The following RSBN1L variants were observed in gnomAD, a reference collection of about 807,000 sequenced individuals.
The protein encoded by RSBN1L is round spermatid basic protein 1 like, also known as lysine-specific demethylase RSBN1L.
Under a neutral mutation model 67.7 loss-of-function variants are expected in RSBN1L, and 30 were observed. The ratio of observed to expected loss-of-function variants is 0.44; its 90% CI spans 0.33 to 0.60. The LOEUF (loss-of-function observed/expected upper bound fraction) is 0.60, where lower values mean the gene tolerates loss of function less well. Ranked by LOEUF, RSBN1L falls within the 20% of genes least tolerant of loss-of-function variation. The pLI is 0.02. For synonymous variants in RSBN1L, 433 were observed against 387.0 expected, an observed-to-expected ratio of 1.12 and a Z score of -1.39; for missense variants, 992 against 1,031.7, an observed-to-expected ratio of 0.96 and a Z score of 0.53.
At chr7:77,739,140 T>TG (rs1791374960) in intron 2 of RSBN1L, among the ~76,000 whole-genome samples, 1 of 152,176 alleles carries the variant, frequency 6.6e-6, no homozygotes, top group Non-Finnish European at 1.5e-5. Context: ...CAAGTGAGCC[T>TG]GTGGTGGTGG....
intron 2 of RSBN1L, among the ~76,000 whole-genome samples, chr7:77,736,928 C>T (rs1791345138): frequency 6.6e-6 from 1 of 152,102 alleles, no homozygotes; most frequent in Non-Finnish European, 1.5e-5. Flanking sequence ...ACTGTCATCA[C>T]CATACCATAG....
chr7:77,726,040 A>G (rs564480336), intron 1 of RSBN1L, among the ~76,000 whole-genome samples: 22 of 151,946 alleles, frequency 1.4e-4, no homozygotes, highest in African/African-American at 4.8e-4. Context: ...ATCTGTCTGT[A>G]TTTCTAATTA....
intron 3 of RSBN1L, among the ~76,000 whole-genome samples, chr7:77,765,239 C>G (rs1343902151): frequency 1.3e-5 from 2 of 152,144 alleles, no homozygotes; most frequent in South Asian, 2.1e-4. Flanking sequence ...ACTCTGTTTT[C>G]ATAAGCAGTG....
intron 3 of RSBN1L, 44 bp from the exon 4 acceptor site, chr7:77,765,451 A>G: frequency 7.0e-7 from 1 of 1,428,306 alleles, no homozygotes; most frequent in Non-Finnish European, 9.4e-7. Context: ...TTCTTCAGGT[A>G]AAAAGAACGT....
intron 1 of RSBN1L, among the ~76,000 whole-genome samples, chr7:77,724,684 A>G (rs1189917775): frequency 6.6e-6 from 1 of 151,388 alleles, no homozygotes; most frequent in Non-Finnish European, 1.5e-5. Context: ...CCTTGCCCTC[A>G]CAAAGTGCTG....
intron 1 of RSBN1L, among the ~76,000 whole-genome samples, chr7:77,725,641 T>C (rs911784517): frequency 6.6e-6 from 1 of 151,834 alleles, no homozygotes; most frequent in Non-Finnish European, 1.5e-5. Context: ...TATTTTATTT[T>C]ATTTTATTTT....
intron 1 of RSBN1L, among the ~76,000 whole-genome samples, chr7:77,720,727 T>C (rs530558506): frequency 8.6e-5 from 13 of 151,782 alleles, no homozygotes; most frequent in Non-Finnish European, 1.6e-4. Flanking sequence ...TATATCACAA[T>C]ACATTTGGGG....
In RSBN1L at chr7:77,782,801, T is replaced by C. The variant is rs539808430; in HGVS notation, c.*3633T>C. ...TTAGTGTTCCTGAGTGTAAAACAGT[T>C]TTTTCCCAAATACTTATGGCAGATA... On this transcript the variant is annotated 3_prime_UTR_variant, in exon 8 of 8. Coordinates refer to ENST00000334955, the MANE Select transcript of RSBN1L (RefSeq NM_198467.3). The C allele has an allele frequency of 1.4e-4, 22 of 152,312 alleles. No homozygotes were observed. Among genetic ancestry groups the C allele is most frequent in the African/African-American group, 5.1e-4 (21 of 41,570 alleles). The allele number at this position is 152,312 out of a possible 1,614,324, so 9.4% of individuals were successfully genotyped here.
intron 1 of RSBN1L, among the ~76,000 whole-genome samples, chr7:77,702,113 A>C (rs1420427557): frequency 6.6e-6 from 1 of 151,636 alleles, no homozygotes; most frequent in Admixed American, 6.6e-5. Context: ...CTACAGGCGC[A>C]CACCACCACA....
chr7:77,757,365 A>G (rs1791633672), intron 3 of RSBN1L, among the ~76,000 whole-genome samples: 1 of 152,186 alleles, frequency 6.6e-6, no homozygotes, highest in Non-Finnish European at 1.5e-5. Flanking sequence ...TTTGAAGACC[A>G]TGTGGTATTA....
chr7:77,712,053 T>C (rs949621508), intron 1 of RSBN1L, among the ~76,000 whole-genome samples: 24 of 96,732 alleles, frequency 2.5e-4, no homozygotes, highest in Admixed American at 1.0e-3. Context: ...ATTTTATAAT[T>C]GTATGTTTTT....
At position 77,780,393 on chromosome 7, in the gene RSBN1L, G is replaced by A. The variant is rs910203754; in HGVS notation, c.*1225G>A. 1 of 152,074 alleles carries A rather than the reference G, an allele frequency of 6.6e-6. No individual in the cohort carries two copies. The highest frequency in any genetic ancestry group is 2.1e-4 in the South Asian group (1 of 4,828). The allele number at this position is 152,074 out of a possible 1,614,324, so 9.4% of individuals were successfully genotyped here. A position where few individuals can be genotyped will look rare whatever the true frequency, so the allele number is the denominator to read the frequency against. On this transcript the variant is annotated 3_prime_UTR_variant, in exon 8 of 8. Coordinates refer to ENST00000334955, the MANE Select transcript of RSBN1L (RefSeq NM_198467.3). Reference sequence around the variant, plus strand: ...ACAAGGTATGTTAATGATAACAAAGGCTTCTAACTAATAGTTACGTGGCCA... The same window carrying A: ...ACAAGGTATGTTAATGATAACAAAGACTTCTAACTAATAGTTACGTGGCCA...
At chr7:77,712,127 A>G (rs1426869677) in intron 1 of RSBN1L, among the ~76,000 whole-genome samples, 1 of 152,136 alleles carries the variant, frequency 6.6e-6, no homozygotes, top group Non-Finnish European at 1.5e-5. Context: ...TGTTCATTGT[A>G]AAAATAATTC....
chr7:77,743,647 T>C (rs571124056), intron 2 of RSBN1L, among the ~76,000 whole-genome samples: 1 of 152,138 alleles, frequency 6.6e-6, no homozygotes, highest in African/African-American at 2.4e-5. Flanking sequence ...TTTTTGGTGT[T>C]AGGCATAAGT....
intron 2 of RSBN1L, among the ~76,000 whole-genome samples, chr7:77,738,855 C>G (rs1350810672): frequency 6.6e-6 from 1 of 152,138 alleles, no homozygotes; most frequent in East Asian, 1.9e-4. Flanking sequence ...ATGTGAATCG[C>G]TTGAACCCAG....
At chr7:77,711,322 A>ATT (rs200143722) in intron 1 of RSBN1L, among the ~76,000 whole-genome samples, 32 of 138,654 alleles carry the variant, frequency 2.3e-4, no homozygotes, top group Admixed American at 4.4e-4. Context: ...TTGCATATTA[A>ATT]TTTTTTTTTT....
intron 1 of RSBN1L, among the ~76,000 whole-genome samples, chr7:77,724,840 CTTTTTTGTTTTTT>C (rs1039558050): frequency 2.8e-5 from 4 of 142,568 alleles, no homozygotes; most frequent in African/African-American, 1.0e-4. Flanking sequence ...TTTTCTTTTT[CTTTTTTGTTTTTT>C]TTTTTTGAGA....
At chr7:77,732,966 A>G (rs941417190) in intron 1 of RSBN1L, among the ~76,000 whole-genome samples, 2 of 152,098 alleles carry the variant, frequency 1.3e-5, no homozygotes, top group East Asian at 3.9e-4. Flanking sequence ...CTGCCATGTA[A>G]CATGACTACA....
intron 5 of RSBN1L, 130 bp downstream of exon 5, chr7:77,768,933 C>A: frequency 1.8e-5 from 13 of 708,830 alleles, no homozygotes; most frequent in South Asian, 1.1e-4. Flanking sequence ...TTAAAAATAG[C>A]GATACATGCT....
Sources: allele counts gnomAD v4.1 joint callset (sites outside exome capture counted in the v4.1 genomes callset), GRCh38; gene constraint gnomAD v4.1.1; transcripts MANE v1.5; gene names NCBI Gene and HGNC (gene_info 2026-07-23, HGNC 2026-07-21).